The following RPS6KC1 variants were observed in gnomAD, a reference collection of about 807,000 sequenced individuals.
RPS6KC1 encodes ribosomal protein S6 kinase C1.
A neutral mutation model predicts 103.8 loss-of-function variants in RPS6KC1; 54 were observed. The ratio of observed to expected loss-of-function variants is 0.52; its 90% CI spans 0.42 to 0.65. The LOEUF (loss-of-function observed/expected upper bound fraction) is 0.65, where lower values mean the gene tolerates loss of function less well. Ranked by LOEUF, RPS6KC1 falls within the 30% of genes least tolerant of loss-of-function variation. The pLI is 0.00. For missense variants in RPS6KC1, 1,151 were observed against 1,253.8 expected, an observed-to-expected ratio of 0.92 and a Z score of 1.24; for synonymous variants, 439 against 438.7, an observed-to-expected ratio of 1.00 and a Z score of -0.01.
chr1:213,281,428 G>A, the RPS6KC1 span, among the ~76,000 whole-genome samples: 4 of 152,180 alleles, frequency 2.6e-5, no homozygotes, highest in South Asian at 2.1e-4. Flanking sequence ...ATGTGATTAG[G>A]GCAGGGCCTG....
At chr1:213,347,242 A>C in the RPS6KC1 span, among the ~76,000 whole-genome samples, 6 of 152,270 alleles carry the variant, frequency 3.9e-5, no homozygotes, top group Admixed American at 1.3e-4. Flanking sequence ...GATTGGTAAT[A>C]AGATTAATGA....
chr1:213,856,231 G>A, the RPS6KC1 span, among the ~76,000 whole-genome samples: 4 of 152,028 alleles, frequency 2.6e-5, no homozygotes, highest in African/African-American at 4.8e-5. Flanking sequence ...GGAATGTGTC[G>A]GGTCCCTGTT....
At chr1:213,796,451 T>A in the RPS6KC1 span, among the ~76,000 whole-genome samples, 1 of 152,148 alleles carries the variant, frequency 6.6e-6, no homozygotes, top group Admixed American at 6.5e-5. Flanking sequence ...CAGAGAGGCG[T>A]TTTGTATTCA....
the RPS6KC1 span, among the ~76,000 whole-genome samples, chr1:213,813,363 C>T: frequency 3.6e-4 from 55 of 151,904 alleles, no homozygotes; most frequent in South Asian, 6.1e-3. Flanking sequence ...AGATAACTGA[C>T]GAGATGGAGC....
chr1:213,330,624 G>C, the RPS6KC1 span, among the ~76,000 whole-genome samples: 1 of 152,188 alleles, frequency 6.6e-6, no homozygotes, highest in African/African-American at 2.4e-5. Context: ...AACTGAGTTA[G>C]TATGATCACT....
At chr1:213,432,233 C>T in the RPS6KC1 span, among the ~76,000 whole-genome samples, 30 of 152,310 alleles carry the variant, frequency 2.0e-4, no homozygotes, top group Middle Eastern at 3.4e-3. Context: ...TTCCCCATTC[C>T]GTGACATGCC....
At chr1:213,213,942 A>G (rs1421085942) in intron 8 of RPS6KC1, among the ~76,000 whole-genome samples, 1 of 152,216 alleles carries the variant, frequency 6.6e-6, no homozygotes, top group African/African-American at 2.4e-5. Flanking sequence ...TACAGCTCCC[A>G]GCATGAGCGA....
chr1:213,627,220 C>T, the RPS6KC1 span, among the ~76,000 whole-genome samples: 99 of 150,670 alleles, frequency 6.6e-4, 1 homozygote, highest in Admixed American at 1.1e-3. Context: ...TGATTTCGCT[C>T]TCTGTCTGTT....
At chr1:213,226,924 G>A (rs760984747) in intron 8 of RPS6KC1, among the ~76,000 whole-genome samples, 15 of 152,120 alleles carry the variant, frequency 9.9e-5, no homozygotes, top group African/African-American at 3.1e-4. Flanking sequence ...AAATAGTATC[G>A]CTTAGCAATT....
chr1:213,554,089 A>G, the RPS6KC1 span, among the ~76,000 whole-genome samples: 52 of 152,286 alleles, frequency 3.4e-4, no homozygotes, highest in African/African-American at 1.2e-3. Context: ...TTCATCATAA[A>G]GTCTTTATCA....
At chr1:213,358,574 C>A in the RPS6KC1 span, among the ~76,000 whole-genome samples, 1 of 152,120 alleles carries the variant, frequency 6.6e-6, no homozygotes, top group Non-Finnish European at 1.5e-5. Context: ...CTGACCTTTT[C>A]AAAAAACCAG....
At chr1:213,609,146 G>T in the RPS6KC1 span, among the ~76,000 whole-genome samples, 1 of 152,338 alleles carries the variant, frequency 6.6e-6, no homozygotes, top group Admixed American at 6.5e-5. Flanking sequence ...GTCATGATCT[G>T]AGGCGGGAGT....
chr1:213,068,067 C>T (rs536539863), intron 1 of RPS6KC1, among the ~76,000 whole-genome samples: 3 of 152,258 alleles, frequency 2.0e-5, no homozygotes, highest in African/African-American at 7.2e-5. Flanking sequence ...CTGAGAAAAA[C>T]ATAAATTGTG....
the RPS6KC1 span, among the ~76,000 whole-genome samples, chr1:213,502,625 T>C: frequency 6.6e-6 from 1 of 152,176 alleles, no homozygotes; most frequent in Non-Finnish European, 1.5e-5. Context: ...AAATACATTT[T>C]CCTAGATTAC....
intron 8 of RPS6KC1, among the ~76,000 whole-genome samples, chr1:213,229,279 G>C (rs568636361): frequency 3.3e-5 from 5 of 151,870 alleles, no homozygotes; most frequent in African/African-American, 1.2e-4. Context: ...CAACTTCCTT[G>C]TTTCTTCTCA....
At chr1:213,789,567 C>A in the RPS6KC1 span, among the ~76,000 whole-genome samples, 3 of 152,118 alleles carry the variant, frequency 2.0e-5, no homozygotes, top group African/African-American at 7.2e-5. Flanking sequence ...GTCAGCCCTT[C>A]CTAATCTTAG....
chr1:213,433,664 G>A, the RPS6KC1 span, among the ~76,000 whole-genome samples: 8 of 152,244 alleles, frequency 5.3e-5, no homozygotes, highest in Non-Finnish European at 1.0e-4. Flanking sequence ...TGATGATAGC[G>A]ATTATAGTTG....
At chr1:213,100,142 T>A (rs1317683871) in intron 3 of RPS6KC1, among the ~76,000 whole-genome samples, 1 of 152,236 alleles carries the variant, frequency 6.6e-6, no homozygotes, top group Non-Finnish European at 1.5e-5. Context: ...CAGCCTTTTT[T>A]AATTTTAGCC....
chr1:213,769,900 A>G, the RPS6KC1 span, among the ~76,000 whole-genome samples: 1 of 152,272 alleles, frequency 6.6e-6, no homozygotes, highest in African/African-American at 2.4e-5. Context: ...AAATATGTCA[A>G]ATTGTGGACT....
Sources: gnomAD v4.1 joint callset for allele counts (sites outside exome capture counted in the v4.1 genomes callset) on GRCh38, gnomAD v4.1.1 for gene constraint, MANE v1.5 for transcripts, NCBI Gene and HGNC (gene_info 2026-07-23, HGNC 2026-07-21) for gene names.